Variants in ACBD3 observed in about 807,000 individuals in gnomAD.
ACBD3 encodes the protein acyl-CoA binding domain containing 3, also known as Golgi resident protein GCP60.
A neutral mutation model predicts 66.9 loss-of-function variants in ACBD3; 30 were observed. The observed-to-expected ratio is 0.45, with a 90% CI of 0.34 to 0.61. The LOEUF is 0.61. Among genes scored for constraint, ACBD3 ranks in the 20% least tolerant of loss-of-function variants. The pLI is 0.02. For synonymous variants in ACBD3, 278 were observed against 259.8 expected (o/e 1.07, Z -0.68); for missense variants, 544 against 664.5 (o/e 0.82, Z 1.99).
At position 226,159,170 on chromosome 1, in the gene ACBD3, G is replaced by A. The variant is rs1281352525; in HGVS notation, c.903+14C>T. On this transcript the variant is annotated intron_variant, in intron 5 of 7. Transcript: ENST00000366812. ...ACTCTCTCTAAGGCTGAATTCTAGG[G>A]TTGTCTATCGTACCTGTTGCTGTGC... The A allele has an allele frequency of 6.2e-7, 1 of 1,613,172 alleles. No homozygotes were observed. The highest frequency in any genetic ancestry group is 8.5e-7 in the Non-Finnish European group (1 of 1,179,252).
chr1:226,170,670 G>T (rs1329087087), intron 1 of ACBD3, among the ~76,000 whole-genome samples: 1 of 151,898 alleles, frequency 6.6e-6, no homozygotes, highest in Non-Finnish European at 1.5e-5. Context: ...GGGGCAAGTG[G>T]ATATGAAAAA....
At chr1:226,172,145 A>G in intron 1 of ACBD3, among the ~76,000 whole-genome samples, 3 of 118,270 alleles carry the variant, frequency 2.5e-5, no homozygotes, top group Admixed American at 8.5e-5. Context: ...ACAAGAGCAA[A>G]ACTCCATCTC....
intron 1 of ACBD3, among the ~76,000 whole-genome samples, chr1:226,173,739 CTTCTTTTTTTTTCTTTTCTTTTT>C (rs1342768622): frequency 7.5e-6 from 1 of 133,222 alleles, no homozygotes; most frequent in Non-Finnish European, 1.6e-5. Context: ...GAATAATTTT[CTTCTTTTTTTTTCTTTTCTTTTT>C]TTTTTTTTTT....
intron 7 of ACBD3, among the ~76,000 whole-genome samples, chr1:226,149,741 C>A (rs927059786): frequency 1.3e-5 from 2 of 151,426 alleles, no homozygotes; most frequent in African/African-American, 4.9e-5. Flanking sequence ...AGGGTTTCAT[C>A]ATGTTGCCCA....
intron 1 of ACBD3, among the ~76,000 whole-genome samples, chr1:226,171,278 G>A (rs2102786053): frequency 6.6e-6 from 1 of 151,994 alleles, no homozygotes; most frequent in South Asian, 2.1e-4. Flanking sequence ...CTCCCAAGTA[G>A]CTGGAATTAC....
intron 4 of ACBD3, among the ~76,000 whole-genome samples, chr1:226,160,716 G>A (rs991342870): frequency 6.6e-6 from 1 of 152,202 alleles, no homozygotes; most frequent in African/African-American, 2.4e-5. Context: ...ACTTCCCAGT[G>A]TTTTATGGGT....
chr1:226,155,007 A>C lies in ACBD3; in HGVS notation c.904-174T>G, dbSNP rs571002194. 6.0e-4 allele frequency: 249 copies of C among 413,252 alleles called. No individual in the cohort carries two copies. In the Middle Eastern group the frequency reaches 0.011, roughly 18 times the overall value. The allele number at this position is 413,252 out of a possible 1,614,324, so 25.6% of individuals were successfully genotyped here. A position where few individuals can be genotyped will look rare whatever the true frequency, so the allele number is the denominator to read the frequency against. On this transcript the variant is annotated intron_variant, in intron 5 of 7. Transcript: ENST00000366812. Reference sequence around the variant, plus strand: ...GTCTATAATGAATATTATTAGTACAATATCAAACTGACAGCTAAAAATAAT... The same window carrying C: ...GTCTATAATGAATATTATTAGTACACTATCAAACTGACAGCTAAAAATAAT...
chr1:226,173,747 T>A (rs957864081), intron 1 of ACBD3, among the ~76,000 whole-genome samples: 1 of 146,786 alleles, frequency 6.8e-6, no homozygotes, highest in African/African-American at 2.5e-5. Context: ...TTCTTCTTTT[T>A]TTTTCTTTTC....
chr1:226,164,931 T>C lies in ACBD3; in HGVS notation c.429-2A>G. The C allele has an allele frequency of 6.4e-7, 1 of 1,551,980 alleles. No homozygotes were observed. The highest frequency in any genetic ancestry group is 8.7e-7 in the Non-Finnish European group (1 of 1,151,246). On this transcript the variant is annotated splice_acceptor_variant, in intron 2 of 7. Transcript: ENST00000366812. LOFTEE classifies it high-confidence loss of function. ...TTTCCCAGGGCTGCCCATTCTCTCC[T>C]GTAAGGAATAACAAGAAAAGTTACC...
chr1:226,178,877 C>T (rs1656112795), intron 1 of ACBD3, among the ~76,000 whole-genome samples: 1 of 152,174 alleles, frequency 6.6e-6, no homozygotes, highest in Non-Finnish European at 1.5e-5. Context: ...CAGTCTAATC[C>T]ATCTTTGAAT....
intron 1 of ACBD3, among the ~76,000 whole-genome samples, chr1:226,168,185 T>C (rs1659909753): frequency 1.3e-5 from 2 of 152,220 alleles, no homozygotes; most frequent in Admixed American, 6.5e-5. Context: ...TGTAATTATA[T>C]AACAATATAC....
chr1:226,184,938 GAGC>G (rs1558133518), intron 1 of ACBD3, among the ~76,000 whole-genome samples: 1 of 137,868 alleles, frequency 7.3e-6, no homozygotes, highest in Non-Finnish European at 1.5e-5. Context: ...TCCTGCAACA[GAGC>G]AGGACTCCAG....
chr1:226,170,616 C>A (rs772615730), intron 1 of ACBD3, among the ~76,000 whole-genome samples: 8 of 152,066 alleles, frequency 5.3e-5, no homozygotes, highest in African/African-American at 9.7e-5. Flanking sequence ...TACACACACA[C>A]AAAATTTTTT....
At chr1:226,150,448 G>A (rs1387883533) in intron 7 of ACBD3, among the ~76,000 whole-genome samples, 13 of 151,488 alleles carry the variant, frequency 8.6e-5, no homozygotes, top group African/African-American at 1.9e-4. Context: ...GTGTGATCTC[G>A]GCTCACTGCA....
In ACBD3 at chr1:226,174,969, C is replaced by T. The variant is rs1334420359; in HGVS notation, c.287-8969G>A. ...AAATAGCCCGGCATGGTGGCATGCA[C>T]CTGTAATCCCAGCTACTCACGAGGC... On this transcript the variant is annotated intron_variant, in intron 1 of 7. Coordinates refer to ENST00000366812, the MANE Select transcript of ACBD3 (RefSeq NM_022735.4). 1.3e-5 allele frequency among the ~76,000 whole-genome samples: 2 copies of T among 151,286 alleles called. 1 individual carries two copies. Among genetic ancestry groups the T allele is most frequent in the African/African-American group, 4.9e-5 (2 of 41,206 alleles).
intron 1 of ACBD3, 81 bp downstream of exon 1, chr1:226,186,309 C>A: frequency 7.0e-7 from 1 of 1,423,622 alleles, no homozygotes; most frequent in East Asian, 3.0e-5. Context: ...CAAGTCTGGT[C>A]CAGTCACCCT....
intron 7 of ACBD3, among the ~76,000 whole-genome samples, chr1:226,149,527 A>ATTTTTTTT (rs1558122597): frequency 1.0e-3 from 35 of 34,156 alleles, no homozygotes; most frequent in Admixed American, 1.6e-3. Flanking sequence ...GCGCCCAGCC[A>ATTTTTTTT]TCTTTTTTTT....
chr1:226,170,009 A>G (rs1353829316), intron 1 of ACBD3, among the ~76,000 whole-genome samples: 3 of 135,278 alleles, frequency 2.2e-5, no homozygotes, highest in Non-Finnish European at 4.7e-5. Context: ...AAACAGAGCG[A>G]GATTCCATCT....
At chr1:226,168,817 C>T (rs78613387) in intron 1 of ACBD3, among the ~76,000 whole-genome samples, 6 of 151,690 alleles carry the variant, frequency 4.0e-5, no homozygotes, top group Non-Finnish European at 5.9e-5. Flanking sequence ...TCTTACACTA[C>T]GTCACAGGTA....
Sources: gnomAD v4.1 joint callset for allele counts (sites outside exome capture counted in the v4.1 genomes callset) on GRCh38, gnomAD v4.1.1 for gene constraint, MANE v1.5 for transcripts, NCBI Gene and HGNC (gene_info 2026-07-23, HGNC 2026-07-21) for gene names.